Variants in GATA6 observed in about 807,000 individuals in gnomAD.
The protein encoded by GATA6 is GATA binding protein 6, also known as transcription factor GATA-6.
In GATA6, 11 loss-of-function variants were observed where a neutral mutation model predicts 48.1. The ratio of observed to expected loss-of-function variants is 0.23; its 90% CI spans 0.14 to 0.38. The LOEUF (loss-of-function observed/expected upper bound fraction) is 0.38. GATA6 is among the 10% of genes least tolerant of loss of function. The pLI, the probability that GATA6 is intolerant of heterozygous loss-of-function variation, is 1.00. For synonymous variants in GATA6, 419 were observed against 396.1 expected (o/e 1.06, Z -0.69); for missense variants, 795 against 850.3 (o/e 0.93, Z 0.81).
At chr18:22,183,994 G>A (rs2033230556) in intron 6 of GATA6, among the ~76,000 whole-genome samples, 1 of 152,088 alleles carries the variant, frequency 6.6e-6, no homozygotes, top group Non-Finnish European at 1.5e-5. Flanking sequence ...ATTATTTGGG[G>A]TACTTTAAAA....
Position 22,172,412 on chromosome 18 carries a change from CA to C in GATA6, c.1135+134del, listed in dbSNP as rs1197554496. On this transcript the variant is annotated intron_variant, in intron 2 of 6. Transcript: ENST00000269216. The surrounding 1 kb of genome is among the most constrained non-coding windows in gnomAD (Gnocchi z 5.2). ...GGGTGCGCGGAGGTCGGCCTGGTCC[CA>C]GGAAGGATTTGCAGGCCTGTGGCTG... 21 of 1,426,626 alleles carry C rather than the reference CA, an allele frequency of 1.5e-5. No individual in the cohort carries two copies. In the African/African-American group the frequency reaches 2.9e-4, roughly 20 times the overall value. The allele number at this position is 1,426,626 out of a possible 1,614,324, so 88.4% of individuals were successfully genotyped here.
In GATA6 at chr18:22,171,076, C is replaced by T. The variant is rs556046542; in HGVS notation, c.-37-32C>T. 5 of 1,404,350 alleles carry T rather than the reference C, an allele frequency of 3.6e-6. No homozygotes were observed. The African/African-American group carries it at 7.0e-5, about 20-fold the overall frequency. 87.0% of individuals were successfully genotyped at this position (1,404,350 alleles called of 1,614,324 possible). ...ACGCTCTTGTTAACCCGTCGATCTCCTACCATACCCGTCTCCCCCACCCCA... is the reference window on the plus strand; with the variant it reads ...ACGCTCTTGTTAACCCGTCGATCTCTTACCATACCCGTCTCCCCCACCCCA... On this transcript the variant is annotated intron_variant, in intron 1 of 6. Coordinates refer to ENST00000269216, the MANE Select transcript of GATA6 (RefSeq NM_005257.6). This position sits in a 1 kb window ranked among gnomAD's most constrained non-coding sequence, Gnocchi z 7.1.
intron 6 of GATA6, among the ~76,000 whole-genome samples, chr18:22,191,859 G>A (rs1234676225): frequency 6.6e-6 from 1 of 152,190 alleles, no homozygotes. Flanking sequence ...CTAATGTCCT[G>A]TTGGGGTCTT....
rs1362617086 is a variant in GATA6 at position 22,201,749 on chromosome 18, CT to C, written c.*929del. The C allele has an allele frequency of 6.6e-6, 1 of 152,612 alleles. No individual in the cohort carries two copies. The highest frequency in any genetic ancestry group is 1.5e-5 in the Non-Finnish European group (1 of 68,024). The allele number at this position is 152,612 out of a possible 1,614,324, so 9.5% of individuals were successfully genotyped here. ...TTATACAAGAACACCAATATACCCC[CT>C]TTATTTTACTGTGGAATATGTGCTG... On this transcript the variant is annotated 3_prime_UTR_variant, in exon 7 of 7. Coordinates refer to ENST00000269216, the MANE Select transcript of GATA6 (RefSeq NM_005257.6).
intron 6 of GATA6, among the ~76,000 whole-genome samples, chr18:22,194,811 C>T (rs778494246): frequency 4.0e-5 from 6 of 150,890 alleles, no homozygotes; most frequent in Non-Finnish European, 8.8e-5. Context: ...AATAACAGGA[C>T]AAAGCCAGGC....
rs541302205 is a variant in GATA6 at position 22,175,801 on chromosome 18, C to G, written c.1136-1154C>G. On this transcript the variant is annotated intron_variant, in intron 2 of 6. Transcript: ENST00000269216. ...ACCAAAAGGTTCACCAGCACATAAT[C>G]TTAAGCTAAAACTCTGAAGTGTAAT... Among the ~76,000 whole-genome samples, 31 of 152,312 alleles carry G rather than the reference C, an allele frequency of 2.0e-4. 1 individual carries two copies. The South Asian group carries it at 6.0e-3, about 30-fold the overall frequency.
In GATA6 at chr18:22,170,984, G is replaced by T; in HGVS notation, c.-37-124G>T. On this transcript the variant is annotated intron_variant, in intron 1 of 6. Coordinates refer to ENST00000269216, the MANE Select transcript of GATA6 (RefSeq NM_005257.6). This position sits in a 1 kb window ranked among gnomAD's most constrained non-coding sequence, Gnocchi z 6.7. Reference sequence around the variant, plus strand: ...TAGGATCTTTGAGAAGTCTCAAATGGGATCTTTGAGAAGTCAGATCCCATT... The same window carrying T: ...TAGGATCTTTGAGAAGTCTCAAATGTGATCTTTGAGAAGTCAGATCCCATT... 2 of 665,398 alleles carry T rather than the reference G, an allele frequency of 3.0e-6. No individual in the cohort carries two copies. Among genetic ancestry groups the T allele is most frequent in the Admixed American group, 4.6e-5 (2 of 43,616 alleles). The allele number at this position is 665,398 out of a possible 1,614,324, so 41.2% of individuals were successfully genotyped here.
chr18:22,177,226 G>A, intron 3 of GATA6, 105 bp downstream of exon 3: 2 of 1,082,756 alleles, frequency 1.8e-6, no homozygotes, highest in Non-Finnish European at 2.5e-6. Context: ...CCCTCCCAGG[G>A]GACAGGTGCG....
In GATA6 at chr18:22,201,127, A is replaced by AT. The variant is rs2033458171; in HGVS notation, c.*310dup. The AT allele has an allele frequency of 5.0e-6, 2 of 398,304 alleles. No individual in the cohort carries two copies. The highest frequency in any genetic ancestry group is 4.3e-5 in the East Asian group (1 of 23,010). The allele number at this position is 398,304 out of a possible 1,614,324, so 24.7% of individuals were successfully genotyped here. A position where few individuals can be genotyped will look rare whatever the true frequency, so the allele number is the denominator to read the frequency against. On this transcript the variant is annotated 3_prime_UTR_variant, in exon 7 of 7. Coordinates refer to ENST00000269216, the MANE Select transcript of GATA6 (RefSeq NM_005257.6). ...TGCCTGCTATGGAATATTGAGAGAGATTTTTTAAAAAAGATTTTGCATTTT... is the reference window on the plus strand; with the variant it reads ...TGCCTGCTATGGAATATTGAGAGAGATTTTTTTAAAAAAGATTTTGCATTTT...
chr18:22,173,858 C>T (rs2033087761), intron 2 of GATA6, among the ~76,000 whole-genome samples: 1 of 152,206 alleles, frequency 6.6e-6, no homozygotes, highest in African/African-American at 2.4e-5. Context: ...TGTTTTTGAA[C>T]TCTTGACTTC....
rs2033058660 is a variant in GATA6, at chr18:22,172,033, G to T, written c.889G>T (p.Gly297Cys). The T allele has an allele frequency of 4.0e-6, 5 of 1,250,616 alleles. No individual in the cohort carries two copies. Among genetic ancestry groups the T allele is most frequent in the Non-Finnish European group, 5.0e-6 (5 of 1,000,512 alleles). The allele number at this position is 1,250,616 out of a possible 1,614,324, so 77.5% of individuals were successfully genotyped here. ...GGGCGCGGGAGGCGTGAGCGGCGGCGGCAGTAGCCTGGCGGCCATGGGCGG... is the reference window on the plus strand; with the variant it reads ...GGGCGCGGGAGGCGTGAGCGGCGGCTGCAGTAGCCTGGCGGCCATGGGCGG... ...SGGAGGVSGG[G>C]SSLAAMGGRE... The change falls in exon 2 of 7, where the codon GGC (glycine) becomes TGC (cysteine). Residue 297 changes from glycine (G) to cysteine (C), a missense_variant. Coordinates refer to ENST00000269216, the MANE Select transcript of GATA6 (RefSeq NM_005257.6). This position sits in a 1 kb window ranked among gnomAD's most constrained non-coding sequence, Gnocchi z 5.2.
intron 1 of GATA6, among the ~76,000 whole-genome samples, 183 bp downstream of exon 1, chr18:22,169,865 C>G (rs2033007063): frequency 6.6e-6 from 1 of 152,252 alleles, no homozygotes; most frequent in African/African-American, 2.4e-5. Context: ...CGCGGACCAA[C>G]TTCTAGTCTC....
At chr18:22,196,999 A>G (rs955278537) in intron 6 of GATA6, among the ~76,000 whole-genome samples, 7 of 152,134 alleles carry the variant, frequency 4.6e-5, no homozygotes, top group South Asian at 2.1e-4. Flanking sequence ...TAATAATTAG[A>G]TAACAAGAGT....
chr18:22,171,319 A>T lies in GATA6; in HGVS notation c.175A>T (p.Asn59Tyr). 1.3e-6 allele frequency: 2 copies of T among 1,588,090 alleles called. No homozygotes were observed. Among genetic ancestry groups the T allele is most frequent in the Non-Finnish European group, 1.7e-6 (2 of 1,174,054 alleles). Residue 59 changes from asparagine to tyrosine, a missense_variant, in exon 2 of 7, where the codon AAC becomes TAC. This residue lies in a region of GATA6 where 591 missense variants were observed against 570.0 expected (regional missense o/e 1.04). Coordinates refer to ENST00000269216, the MANE Select transcript of GATA6 (RefSeq NM_005257.6). The surrounding 1 kb of genome is among the most constrained non-coding windows in gnomAD (Gnocchi z 7.1). ...GGERGPGGASNCGTPQLDTEA... is the reference protein window; with the variant it reads ...GGERGPGGASYCGTPQLDTEA... ...AGAGCGGGGCCCCGGCGGCGCCAGC[A>T]ACTGCGGGACGCCTCAGCTCGACAC...
At chr18:22,189,658 A>C (rs1309552027) in intron 6 of GATA6, among the ~76,000 whole-genome samples, 2 of 152,180 alleles carry the variant, frequency 1.3e-5, no homozygotes, top group Non-Finnish European at 2.9e-5. Context: ...GCAGAAAATT[A>C]GTGCTTCATT....
intron 3 of GATA6, among the ~76,000 whole-genome samples, chr18:22,181,082 T>C (rs2033189556): frequency 6.6e-6 from 1 of 152,190 alleles, no homozygotes. Context: ...ATACCAGTAG[T>C]ATCTGGGAAA....
In GATA6 at chr18:22,171,765, G is replaced by T; in HGVS notation, c.621G>T (p.Gly207=). 7.2e-7 allele frequency: 1 copy of T among 1,394,000 alleles called. No homozygotes were observed. The highest frequency in any genetic ancestry group is 1.6e-5 in the South Asian group (1 of 62,446). The allele number at this position is 1,394,000 out of a possible 1,614,324, so 86.4% of individuals were successfully genotyped here. The change falls in exon 2 of 7, where the codon GGG becomes GGT. Residue 207 remains glycine, a synonymous_variant. Coordinates refer to ENST00000269216, the MANE Select transcript of GATA6 (RefSeq NM_005257.6). This position sits in a 1 kb window ranked among gnomAD's most constrained non-coding sequence, Gnocchi z 7.1. The part of the protein sequence containing the change: ...MLPGLPYHLQ[G]SGSGPANHAG... The stretch of plus-strand genomic sequence containing the variant: ...CCGGCCTACCGTACCACCTGCAGGG[G>T]TCGGGCAGTGGGCCAGCCAACCACG...
chr18:22,186,368 T>C (rs1311526405), intron 6 of GATA6, among the ~76,000 whole-genome samples: 3 of 152,174 alleles, frequency 2.0e-5, no homozygotes, highest in African/African-American at 4.8e-5. Flanking sequence ...CTGTGAGTTA[T>C]AGCAAGGAAG....
At chr18:22,180,683 T>C (rs1489007101) in intron 3 of GATA6, among the ~76,000 whole-genome samples, 3 of 151,690 alleles carry the variant, frequency 2.0e-5, no homozygotes, top group Non-Finnish European at 4.4e-5. Context: ...ATTTCTTTTT[T>C]TTTTTTAAAA....
Sources: gnomAD v4.1 joint callset for allele counts (sites outside exome capture counted in the v4.1 genomes callset) on GRCh38, gnomAD v4.1.1 for gene constraint, gnomAD v4.1.1 regional missense constraint, Gnocchi (gnomAD v3.1) non-coding constraint, MANE v1.5 for transcripts, NCBI Gene and HGNC (gene_info 2026-07-23, HGNC 2026-07-21) for gene names.